The following LRRC37A3 variants were observed in gnomAD, a reference collection of about 807,000 sequenced individuals.
LRRC37A3 encodes the protein leucine rich repeat containing 37 member A3, also known as leucine-rich repeat-containing protein 37A3.
Under a neutral mutation model 106.2 loss-of-function variants are expected in LRRC37A3, and 25 were observed. The ratio of observed to expected loss-of-function variants is 0.24; its 90% CI spans 0.17 to 0.33. The LOEUF is 0.33. Ranked by LOEUF, LRRC37A3 falls within the 10% of genes least tolerant of loss-of-function variation. The probability of loss-of-function intolerance (pLI) is 1.00; values close to 1 mark genes in which losing one functional copy is unlikely to be tolerated. For synonymous variants in LRRC37A3, 305 were observed against 635.8 expected (o/e 0.48, Z 7.83); for missense variants, 712 against 1,644.9 (o/e 0.43, Z 9.81).
At position 64,854,209 on chromosome 17, in the gene LRRC37A3, C is replaced by T. The variant is rs990125493; in HGVS notation, c.*390G>A. The T allele has an allele frequency of 1.6e-4, 49 of 301,984 alleles. No individual in the cohort carries two copies. Among genetic ancestry groups the T allele is most frequent in the Non-Finnish European group, 2.8e-4 (45 of 163,636 alleles). 18.7% of individuals were successfully genotyped at this position (301,984 alleles called of 1,614,324 possible). On this transcript the variant is annotated 3_prime_UTR_variant, in exon 15 of 15. Coordinates refer to ENST00000584306, the MANE Select transcript of LRRC37A3 (RefSeq NM_199340.5). Reference sequence around the variant, plus strand: ...TACCAAGTCGGGATGAACATTCATGCGTGTGCTTGAGGGCTTGGGAAAAAG... The same window carrying T: ...TACCAAGTCGGGATGAACATTCATGTGTGTGCTTGAGGGCTTGGGAAAAAG...
In LRRC37A3 at chr17:64,918,737, T is replaced by C. The variant is rs1974760822; in HGVS notation, c.-496+13A>G. The C allele has an allele frequency of 6.9e-6, 3 of 433,598 alleles. No homozygotes were observed. Among genetic ancestry groups the C allele is most frequent in the Non-Finnish European group, 1.2e-5 (3 of 241,104 alleles). The allele number at this position is 433,598 out of a possible 1,614,324, so 26.9% of individuals were successfully genotyped here. A position where few individuals can be genotyped will look rare whatever the true frequency, so the allele number is the denominator to read the frequency against. On this transcript the variant is annotated intron_variant, in intron 2 of 14. Coordinates refer to ENST00000584306, the MANE Select transcript of LRRC37A3 (RefSeq NM_199340.5). The stretch of plus-strand genomic sequence containing the variant: ...ATACTTCATCCAATTTTGTAAAAAA[T>C]ACATACATATACCTGTGCCAGGTGC...
rs756684197 is a variant in LRRC37A3 at position 64,863,038 on chromosome 17, G to A, written c.3054-20C>T. The A allele has an allele frequency of 1.1e-5, 17 of 1,597,564 alleles. No individual in the cohort carries two copies. The East Asian group carries it at 2.0e-4, about 19-fold the overall frequency. On this transcript the variant is annotated intron_variant, in intron 10 of 14. Coordinates refer to ENST00000584306, the MANE Select transcript of LRRC37A3 (RefSeq NM_199340.5). The stretch of plus-strand genomic sequence containing the variant: ...ACGATCCTATAGATGAAAACAGAGA[G>A]CAATAAATTAGCGGTAAAGCGGTTA...
rs1453848268 is a variant in LRRC37A3 at position 64,860,354 on chromosome 17, G to A, written c.3792C>T (p.Ala1264=). The change falls in exon 12 of 15, where the codon GCC becomes GCT. Residue 1264 remains alanine, a synonymous_variant. Coordinates refer to ENST00000584306, the MANE Select transcript of LRRC37A3 (RefSeq NM_199340.5). ...TCCATCTGTCTCTCACCTGTGGTAG[G>A]GCTTTTGCAGGGCTGGAGGTAGAAG... ...GAPSTSSPAK[A]LPQVRDRWKD... is the part of the protein sequence containing the mutation. 3.1e-6 allele frequency: 5 copies of A among 1,613,952 alleles called. No individual in the cohort carries two copies. Among genetic ancestry groups the A allele is most frequent in the Non-Finnish European group, 4.2e-6 (5 of 1,179,868 alleles).
chr17:64,860,140 G>T lies in LRRC37A3; in HGVS notation c.4006C>A (p.Leu1336Met), dbSNP rs909988584. Reference sequence around the variant, plus strand: ...AACGGAAGCCTGTTTGAGAGCATCAGTCTACTCAGATAACTTTTCTTTCTG... The same window carrying T: ...AACGGAAGCCTGTTTGAGAGCATCATTCTACTCAGATAACTTTTCTTTCTG... ...KVRKKSYLSR[L>M]MLSNRLPFSA... The change falls in exon 12 of 15, where the codon CTG (leucine) becomes ATG (methionine). Residue 1336 changes from leucine (L) to methionine (M), a missense_variant. Physicochemically the swap from Leu to Met is conservative, Grantham distance 15. Transcript: ENST00000584306. 1.2e-6 allele frequency: 2 copies of T among 1,613,868 alleles called. No individual in the cohort carries two copies. The highest frequency in any genetic ancestry group is 2.7e-5 in the African/African-American group (2 of 74,918).
intron 8 of LRRC37A3, chr17:64,881,158 A>C: frequency 1.4e-6 from 1 of 700,920 alleles, no homozygotes; most frequent in South Asian, 1.5e-5. Flanking sequence ...TCCTCCATAC[A>C]AGACCTCGGA....
intron 10 of LRRC37A3, 100 bp from the exon 11 acceptor site, chr17:64,863,118 C>T: frequency 6.6e-7 from 1 of 1,521,292 alleles, no homozygotes; most frequent in Non-Finnish European, 9.0e-7. Context: ...AAAAAGGTAT[C>T]ATTGAAGCCT....
chr17:64,863,731 G>T (rs1052852879), intron 10 of LRRC37A3: 6 of 152,190 alleles, frequency 3.9e-5, no homozygotes, highest in African/African-American at 1.2e-4. Context: ...ACATTTGGGT[G>T]AAAAGACATT....
At chr17:64,867,472 C>T (rs1156441955) in intron 10 of LRRC37A3, among the ~76,000 whole-genome samples, 2 of 152,098 alleles carry the variant, frequency 1.3e-5, no homozygotes, top group East Asian at 3.9e-4. Context: ...GGCTCCAGGA[C>T]CCCCTGCAGA....
At chr17:64,876,363 T>C (rs1013004390) in intron 8 of LRRC37A3, among the ~76,000 whole-genome samples, 1 of 152,060 alleles carries the variant, frequency 6.6e-6, no homozygotes, top group African/African-American at 2.4e-5. Flanking sequence ...TTAAATTTTT[T>C]TTGTAGAGAT....
chr17:64,857,168 T>C (rs1360576977), intron 13 of LRRC37A3, among the ~76,000 whole-genome samples: 3 of 152,228 alleles, frequency 2.0e-5, no homozygotes, highest in Non-Finnish European at 4.4e-5. Context: ...ACAGTGGCTA[T>C]CTACAAAATC....
chr17:64,873,486 A>G (rs937977487), intron 8 of LRRC37A3, among the ~76,000 whole-genome samples: 1 of 152,000 alleles, frequency 6.6e-6, no homozygotes, highest in Non-Finnish European at 1.5e-5. Flanking sequence ...TCAGCTATTT[A>G]AAATATGTTC....
At chr17:64,866,559 C>CATATATAT (rs750630548) in intron 10 of LRRC37A3, among the ~76,000 whole-genome samples, 3 of 82,326 alleles carry the variant, frequency 3.6e-5, no homozygotes, top group African/African-American at 1.1e-4. Context: ...TATACACGTA[C>CATATATAT]ATATATATAT....
At chr17:64,866,390 GC>G in intron 10 of LRRC37A3, among the ~76,000 whole-genome samples, 1 of 150,954 alleles carries the variant, frequency 6.6e-6, no homozygotes, top group South Asian at 2.1e-4. Context: ...TAAATGAAGG[GC>G]CCTTTCCATG....
At chr17:64,856,083 T>C (rs1403831980) in intron 13 of LRRC37A3, among the ~76,000 whole-genome samples, 194 bp from the exon 14 acceptor site, 1 of 152,050 alleles carries the variant, frequency 6.6e-6, no homozygotes, top group African/African-American at 2.4e-5. Context: ...TTGCGGGGGA[T>C]TGGTTCTAGG....
At chr17:64,861,693 T>C (rs1202307155) in intron 11 of LRRC37A3, among the ~76,000 whole-genome samples, 5 of 152,186 alleles carry the variant, frequency 3.3e-5, no homozygotes, top group Non-Finnish European at 5.9e-5. Context: ...ACACAGTGAA[T>C]CTCTGGTATG....
At chr17:64,910,637 CTTTTTTTTTT>C (rs926231139) in intron 2 of LRRC37A3, among the ~76,000 whole-genome samples, 2 of 96,478 alleles carry the variant, frequency 2.1e-5, no homozygotes, top group African/African-American at 4.4e-5. Context: ...ATTGTCCCCC[CTTTTTTTTTT>C]TTTTTTTTTT....
At chr17:64,890,265 C>T (rs1355748159) in intron 5 of LRRC37A3, among the ~76,000 whole-genome samples, 1 of 138,240 alleles carries the variant, frequency 7.2e-6, no homozygotes, top group South Asian at 2.1e-4. Flanking sequence ...GAGACAGGGT[C>T]TCACTCTGTT....
chr17:64,914,247 C>T (rs1037945240), intron 2 of LRRC37A3, among the ~76,000 whole-genome samples: 7 of 151,732 alleles, frequency 4.6e-5, no homozygotes, highest in Admixed American at 3.9e-4. Flanking sequence ...ATCACAAATT[C>T]TAAGATATGT....
intron 2 of LRRC37A3, among the ~76,000 whole-genome samples, chr17:64,915,097 T>C (rs1224184594): frequency 6.6e-6 from 1 of 152,164 alleles, no homozygotes; most frequent in South Asian, 2.1e-4. Flanking sequence ...AATAACTTAG[T>C]GTATATTTTA....
Sources: allele counts gnomAD v4.1 joint callset (sites outside exome capture counted in the v4.1 genomes callset), GRCh38; gene constraint gnomAD v4.1.1; transcripts MANE v1.5; gene names NCBI Gene and HGNC (gene_info 2026-07-23, HGNC 2026-07-21).